Variants in RPS6KA2 observed in about 807,000 individuals in gnomAD.
RPS6KA2 encodes the protein ribosomal protein S6 kinase A2.
In RPS6KA2, 42 loss-of-function variants were observed where a neutral mutation model predicts 91.8. That is an observed-to-expected ratio of 0.46 (90% CI 0.36 to 0.59). The LOEUF is 0.59. RPS6KA2 is among the 20% of genes least tolerant of loss of function. The pLI is 0.00. For synonymous variants in RPS6KA2, 414 were observed against 393.6 expected, an observed-to-expected ratio of 1.05 and a Z score of -0.61; for missense variants, 798 against 978.5, an observed-to-expected ratio of 0.82 and a Z score of 2.46.
chr6:166,602,585 C>G lies in RPS6KA2; in HGVS notation c.99+24336G>C, dbSNP rs182941909. ...CATGGATACAGCTCATGAATGCAAC[C>G]TGGAACAAGACGCATTCATGCATAC... On this transcript the variant is annotated intron_variant, in intron 1 of 20. Transcript: ENST00000265678. Among the ~76,000 whole-genome samples the G allele has an allele frequency of 4.2e-3, 642 of 152,322 alleles. 4 individuals are homozygous for G. The highest frequency in any genetic ancestry group is 6.7e-3 in the Admixed American group (102 of 15,304).
In RPS6KA2 at chr6:166,475,854, A is replaced by C. The variant is rs1004184660; in HGVS notation, c.908-5949T>G. The C allele has an allele frequency of 5.7e-6, 3 of 527,246 alleles. No individual in the cohort carries two copies. The East Asian group carries it at 1.6e-4, about 29-fold the overall frequency. 32.7% of individuals were successfully genotyped at this position (527,246 alleles called of 1,614,324 possible). A position where few individuals can be genotyped will look rare whatever the true frequency, so the allele number is the denominator to read the frequency against. ...CGTTTTCTCACCTGCAGAGTGTAAG[A>C]GAGGAATGAGATGCGTCTGTATTTC... On this transcript the variant is annotated intron_variant, in intron 10 of 20. Coordinates refer to ENST00000265678, the MANE Select transcript of RPS6KA2 (RefSeq NM_021135.6).
chr6:166,559,782 T>C (rs1163794258), intron 1 of RPS6KA2, among the ~76,000 whole-genome samples: 3 of 152,170 alleles, frequency 2.0e-5, no homozygotes, highest in African/African-American at 7.2e-5. Flanking sequence ...ATATTAGATG[T>C]ACAGAAAAGT....
intron 2 of RPS6KA2, among the ~76,000 whole-genome samples, chr6:166,696,047 T>C (rs557650390): frequency 6.6e-6 from 1 of 152,078 alleles, no homozygotes; most frequent in Non-Finnish European, 1.5e-5. Context: ...CTCCCTGCAC[T>C]CCCCCCTCTT....
chr6:166,502,105 G>A (rs1782048946), intron 6 of RPS6KA2, among the ~76,000 whole-genome samples: 1 of 152,212 alleles, frequency 6.6e-6, no homozygotes, highest in Admixed American at 6.5e-5. Flanking sequence ...AGTTCTGCAA[G>A]ATGAAACAGT....
intron 1 of RPS6KA2, among the ~76,000 whole-genome samples, chr6:166,618,922 C>T (rs540124731): frequency 4.6e-5 from 7 of 151,594 alleles, no homozygotes; most frequent in Middle Eastern, 6.8e-3. Context: ...GGACGCTGCG[C>T]GCAAGAGCCC....
At chr6:166,657,328 A>G (rs1427836199) in intron 2 of RPS6KA2, among the ~76,000 whole-genome samples, 1 of 138,808 alleles carries the variant, frequency 7.2e-6, no homozygotes, top group Admixed American at 7.2e-5. Context: ...ATTTTCTAAA[A>G]ACAAAACAGA....
intron 2 of RPS6KA2, among the ~76,000 whole-genome samples, chr6:166,801,957 A>ATTT (rs1379773425): frequency 6.6e-6 from 1 of 151,688 alleles, no homozygotes; most frequent in Non-Finnish European, 1.5e-5. Flanking sequence ...AAAAAAAAAA[A>ATTT]TTTTTAAATC....
At chr6:166,725,262 G>A (rs889364414) in intron 2 of RPS6KA2, among the ~76,000 whole-genome samples, 1 of 152,034 alleles carries the variant, frequency 6.6e-6, no homozygotes, top group Non-Finnish European at 1.5e-5. Flanking sequence ...ATTTAAAAAT[G>A]TCTCAGTTTT....
In RPS6KA2 at chr6:166,733,977, T is replaced by C. The variant is rs1246988319; in HGVS notation, c.123+124223A>G. Among the ~76,000 whole-genome samples the C allele has an allele frequency of 2.6e-5, 4 of 152,160 alleles. No homozygotes were observed. Among genetic ancestry groups the C allele is most frequent in the African/African-American group, 7.2e-5 (3 of 41,418 alleles). On this transcript the variant is annotated intron_variant, in intron 2 of 21. Coordinates refer to the RPS6KA2 transcript ENST00000503859. This position sits in a 1 kb window ranked among gnomAD's most constrained non-coding sequence, Gnocchi z 4.1. ...TGTGGGAACAGAGGACTGAGGGGTGTTGACCTCCAAAAGCAAAGGTGCATG... is the reference window on the plus strand; with the variant it reads ...TGTGGGAACAGAGGACTGAGGGGTGCTGACCTCCAAAAGCAAAGGTGCATG...
chr6:166,558,778 G>T (rs528697187), intron 1 of RPS6KA2, among the ~76,000 whole-genome samples: 3 of 152,336 alleles, frequency 2.0e-5, no homozygotes, highest in African/African-American at 7.2e-5. Context: ...CGTGGAGAAA[G>T]TCTACAGTCA....
At chr6:166,617,744 C>T (rs1488565705) in intron 1 of RPS6KA2, among the ~76,000 whole-genome samples, 1 of 152,228 alleles carries the variant, frequency 6.6e-6, no homozygotes, top group Non-Finnish European at 1.5e-5. Flanking sequence ...GGACTTTGTA[C>T]ATATTAACCT....
intron 2 of RPS6KA2, among the ~76,000 whole-genome samples, chr6:166,824,118 C>T (rs1011866960): frequency 2.0e-5 from 3 of 152,076 alleles, no homozygotes; most frequent in Non-Finnish European, 4.4e-5. Context: ...AATATACATG[C>T]TTGTGTGTAT....
intron 2 of RPS6KA2, among the ~76,000 whole-genome samples, chr6:166,677,435 C>A (rs907783671): frequency 3.3e-5 from 5 of 150,260 alleles, no homozygotes; most frequent in Middle Eastern, 3.2e-3. Flanking sequence ...GATGTCGGCT[C>A]ACTGCAACCT....
At chr6:166,579,104 T>C (rs1784928501) in intron 1 of RPS6KA2, among the ~76,000 whole-genome samples, 1 of 152,172 alleles carries the variant, frequency 6.6e-6, no homozygotes, top group South Asian at 2.1e-4. Flanking sequence ...GGCGTGTCAG[T>C]CAAGACAGCC....
At chr6:166,516,175 G>A (rs1782636551) in intron 3 of RPS6KA2, among the ~76,000 whole-genome samples, 1 of 152,198 alleles carries the variant, frequency 6.6e-6, no homozygotes, top group Non-Finnish European at 1.5e-5. Context: ...ACCTGTCTGA[G>A]ATTTTGGGGG....
At chr6:166,413,468 G>A (rs1778388680) in intron 20 of RPS6KA2, among the ~76,000 whole-genome samples, 1 of 152,196 alleles carries the variant, frequency 6.6e-6, no homozygotes, top group African/African-American at 2.4e-5. Flanking sequence ...TGCCTGAGAG[G>A]CTACTGCTGC....
upstream of RPS6KA2, among the ~76,000 whole-genome samples, chr6:166,629,223 C>T (rs377365023): frequency 4.6e-5 from 7 of 152,226 alleles, no homozygotes; most frequent in African/African-American, 1.7e-4. Flanking sequence ...TAATACTGGC[C>T]GGAGACAGGA....
intron 2 of RPS6KA2, among the ~76,000 whole-genome samples, chr6:166,753,314 T>G (rs570072721): frequency 4.6e-5 from 7 of 152,364 alleles, no homozygotes; most frequent in African/African-American, 7.2e-5. Context: ...ACTGACTTTC[T>G]CTGTCCATTC....
In RPS6KA2 at chr6:166,733,371, C is replaced by T. The variant is rs923801457; in HGVS notation, c.123+124829G>A. Among the ~76,000 whole-genome samples the T allele has an allele frequency of 3.9e-5, 6 of 152,112 alleles. No homozygotes were observed. Among genetic ancestry groups the T allele is most frequent in the African/African-American group, 1.4e-4 (6 of 41,414 alleles). ...CAGTTTATTATGTCTTGGAACTCAT[C>T]CTTGAATTAATTGGAATGTTCTTTT... On this transcript the variant is annotated intron_variant, in intron 2 of 21. Transcript: ENST00000503859. The surrounding 1 kb of genome is among the most constrained non-coding windows in gnomAD (Gnocchi z 4.1).
Sources: gnomAD v4.1 joint callset for allele counts (sites outside exome capture counted in the v4.1 genomes callset) on GRCh38, gnomAD v4.1.1 for gene constraint, Gnocchi (gnomAD v3.1) non-coding constraint, MANE v1.5 for transcripts, NCBI Gene and HGNC (gene_info 2026-07-23, HGNC 2026-07-21) for gene names.